The following RAB18 variants were observed in gnomAD, a reference collection of about 807,000 sequenced individuals.
RAB18 encodes the protein RAB18, member RAS oncogene family.
Under a neutral mutation model 28.5 loss-of-function variants are expected in RAB18, and 10 were observed. The observed-to-expected ratio is 0.35, with a 90% CI of 0.22 to 0.60. RAB18 has a LOEUF of 0.60. RAB18 is among the 20% of genes least tolerant of loss of function. The pLI is 0.78. For missense variants in RAB18, 188 were observed against 244.2 expected (o/e 0.77, Z 1.53); for synonymous variants, 93 against 86.9 (o/e 1.07, Z -0.39).
At chr10:27,533,620 T>A in intron 4 of RAB18, 115 bp from the exon 5 acceptor site, 1 of 1,249,464 alleles carries the variant, frequency 8.0e-7, no homozygotes, top group Non-Finnish European at 1.1e-6. Flanking sequence ...TTGAAGACAA[T>A]AAAAAAAAGA....
intron 2 of RAB18, chr10:27,510,366 A>G (rs1196795787): frequency 8.9e-6 from 2 of 225,634 alleles, no homozygotes; most frequent in Non-Finnish European, 8.9e-6. Context: ...AGCATTTGCT[A>G]CAGTGTTTGA....
At position 27,541,091 on chromosome 10, in the gene RAB18, C is replaced by T; in HGVS notation, c.*3040C>T. The T allele has an allele frequency of 2.2e-6, 1 of 453,880 alleles. No individual in the cohort carries two copies. The highest frequency in any genetic ancestry group is 4.4e-6 in the Non-Finnish European group (1 of 226,692). 28.1% of individuals were successfully genotyped at this position (453,880 alleles called of 1,614,324 possible). ...ATATTCAAGCATTATGCTTCTCTTT[C>T]TTGGGGGTACATTTCACTAGTAATA... On this transcript the variant is annotated 3_prime_UTR_variant, in exon 7 of 7. Coordinates refer to ENST00000356940, the MANE Select transcript of RAB18 (RefSeq NM_021252.5).
chr10:27,526,305 AGG>A (rs1834671097), intron 2 of RAB18, among the ~76,000 whole-genome samples: 1 of 152,222 alleles, frequency 6.6e-6, no homozygotes, highest in Non-Finnish European at 1.5e-5. Context: ...GTATTTTTTT[AGG>A]ATAAAAATAA....
intron 3 of RAB18, among the ~76,000 whole-genome samples, chr10:27,532,101 A>C (rs1834800124): frequency 6.6e-6 from 1 of 151,760 alleles, no homozygotes; most frequent in African/African-American, 2.4e-5. Context: ...CCTTGATTCT[A>C]CATTAAAAGC....
At chr10:27,531,523 CT>C in intron 3 of RAB18, 1 of 1,527,014 alleles carries the variant, frequency 6.5e-7, no homozygotes. Flanking sequence ...TTTTACTTTT[CT>C]TTAGGTTACT....
chr10:27,504,415 G>C lies in RAB18; in HGVS notation c.46G>C (p.Glu16Gln), dbSNP rs375324027. The C allele has an allele frequency of 6.4e-7, 1 of 1,570,620 alleles. No homozygotes were observed. The highest frequency in any genetic ancestry group is 8.6e-7 in the Non-Finnish European group (1 of 1,157,618). ...CACCCTGAAGATCCTCATCATCGGC[G>C]AGAGTGGGGTGGGCAAGTCCAGGTG... ...LTTLKILIIG[E>Q]SGVGKSSLLL... is the part of the protein sequence containing the mutation. The change falls in exon 1 of 7, where the codon GAG becomes CAG. Residue 16 changes from glutamate to glutamine, a missense_variant. Transcript: ENST00000356940.
At chr10:27,520,782 T>C (rs1834532586) in intron 2 of RAB18, among the ~76,000 whole-genome samples, 1 of 151,582 alleles carries the variant, frequency 6.6e-6, no homozygotes, top group African/African-American at 2.4e-5. Context: ...CCAGGCATAG[T>C]GGCGGGCACC....
At chr10:27,532,137 A>G (rs1834801040) in intron 3 of RAB18, among the ~76,000 whole-genome samples, 1 of 151,966 alleles carries the variant, frequency 6.6e-6, no homozygotes, top group Admixed American at 6.6e-5. Flanking sequence ...AAAAAAAAAA[A>G]ATTCCTGTCA....
intron 1 of RAB18, among the ~76,000 whole-genome samples, chr10:27,508,083 A>G (rs964595963): frequency 4.0e-5 from 6 of 151,644 alleles, no homozygotes. Context: ...TTCAAAATCT[A>G]ATAGAGAAAT....
rs1421589927 is a variant in RAB18, at chr10:27,541,774, G to A, written c.*3723G>A. The A allele has an allele frequency of 4.4e-6, 2 of 452,902 alleles. No homozygotes were observed. The highest frequency in any genetic ancestry group is 4.7e-5 in the Admixed American group (2 of 42,412). 28.1% of individuals were successfully genotyped at this position (452,902 alleles called of 1,614,324 possible). ...TGTGACTGACTTTAATTTCTTGTTT[G>A]TGTGTGCTGTGGCTGCCCGATCCAG... On this transcript the variant is annotated 3_prime_UTR_variant, in exon 7 of 7. Transcript: ENST00000356940.
chr10:27,523,229 A>G (rs1834597191), intron 2 of RAB18, among the ~76,000 whole-genome samples: 1 of 148,414 alleles, frequency 6.7e-6, no homozygotes, highest in Non-Finnish European at 1.5e-5. Flanking sequence ...AATACTTAGA[A>G]CAATTTCATT....
Position 27,541,884 on chromosome 10 carries a change from C to T in RAB18, c.*3833C>T. On this transcript the variant is annotated 3_prime_UTR_variant, in exon 7 of 7. Coordinates refer to ENST00000356940, the MANE Select transcript of RAB18 (RefSeq NM_021252.5). ...GTGGTTTGGGTGGCATTGTCACACC[C>T]TCGGCTTTCTAGATTAACCCAGTTA... 1 of 453,942 alleles carries T rather than the reference C, an allele frequency of 2.2e-6. No individual in the cohort carries two copies. The highest frequency in any genetic ancestry group is 4.4e-6 in the Non-Finnish European group (1 of 226,766). 28.1% of individuals were successfully genotyped at this position (453,942 alleles called of 1,614,324 possible).
chr10:27,534,294 A>T (rs1834849790), intron 6 of RAB18, among the ~76,000 whole-genome samples: 1 of 152,236 alleles, frequency 6.6e-6, no homozygotes, highest in Non-Finnish European at 1.5e-5. Flanking sequence ...CCATATGCTG[A>T]TACCATCAGC....
chr10:27,527,918 C>T (rs1379112104), intron 3 of RAB18, among the ~76,000 whole-genome samples: 1 of 152,030 alleles, frequency 6.6e-6, no homozygotes, highest in African/African-American at 2.4e-5. Flanking sequence ...ACATACAATA[C>T]TTTAAATTTG....
chr10:27,507,718 T>G (rs1312481850), intron 1 of RAB18, among the ~76,000 whole-genome samples: 4 of 151,946 alleles, frequency 2.6e-5, no homozygotes, highest in African/African-American at 9.7e-5. Flanking sequence ...TTTGAAAATA[T>G]GAGGGTGTAA....
chr10:27,521,983 T>C (rs535497958), intron 2 of RAB18, among the ~76,000 whole-genome samples: 4 of 152,280 alleles, frequency 2.6e-5, no homozygotes, highest in East Asian at 3.9e-4. Context: ...CTCATCCTTA[T>C]GTGTTTCTCT....
At chr10:27,516,543 G>C (rs1834440963) in intron 2 of RAB18, among the ~76,000 whole-genome samples, 1 of 150,358 alleles carries the variant, frequency 6.7e-6, no homozygotes, top group Non-Finnish European at 1.5e-5. Context: ...GGGTGACAGA[G>C]AGAGACTCCA....
intron 3 of RAB18, chr10:27,531,504 T>C (rs1447332872): frequency 5.2e-6 from 8 of 1,542,912 alleles, no homozygotes; most frequent in Non-Finnish European, 6.1e-6. Context: ...GTTTGATACA[T>C]GTTTTTACTT....
At chr10:27,525,876 G>C (rs893451017) in intron 2 of RAB18, among the ~76,000 whole-genome samples, 1 of 152,224 alleles carries the variant, frequency 6.6e-6, no homozygotes, top group Non-Finnish European at 1.5e-5. Flanking sequence ...ATGTGAGGGT[G>C]CTGTTCATCT....
Sources: allele counts gnomAD v4.1 joint callset (sites outside exome capture counted in the v4.1 genomes callset), GRCh38; gene constraint gnomAD v4.1.1; transcripts MANE v1.5; gene names NCBI Gene and HGNC (gene_info 2026-07-23, HGNC 2026-07-21).